The following CIMIP5 variants were observed in gnomAD, a reference collection of about 807,000 sequenced individuals.
CIMIP5 encodes ciliary microtubule inner protein 5.
the CIMIP5 span, among the ~76,000 whole-genome samples, chr2:11,140,074 G>A: frequency 0.085 from 10,093 of 119,430 alleles, 592 homozygotes; most frequent in Non-Finnish European, 0.12. Context: ...GTGACAGAGC[G>A]AGACTCCCTC....
the CIMIP5 span, among the ~76,000 whole-genome samples, chr2:11,134,953 A>G: frequency 1.3e-5 from 2 of 152,224 alleles, no homozygotes. Flanking sequence ...GAATCTTACA[A>G]TAATGGCAGA....
the CIMIP5 span, chr2:11,140,404 T>G: frequency 3.0e-6 from 2 of 667,352 alleles, no homozygotes; most frequent in Non-Finnish European, 4.8e-6. Flanking sequence ...AAAAATTATT[T>G]AGTTCTTCCA....
the CIMIP5 span, chr2:11,144,021 A>AC: frequency 5.0e-6 from 8 of 1,607,232 alleles, no homozygotes; most frequent in South Asian, 9.0e-5. Context: ...GGCTGGACAC[A>AC]CCCCTGGGAC....
At chr2:11,154,445 T>A in the CIMIP5 span, among the ~76,000 whole-genome samples, 2 of 152,090 alleles carry the variant, frequency 1.3e-5, no homozygotes, top group African/African-American at 2.4e-5. Flanking sequence ...CCAGCTCCCG[T>A]CCCTCACACT....
At chr2:11,133,249 CAGG>C in the CIMIP5 span, 5 of 1,454,278 alleles carry the variant, frequency 3.4e-6, no homozygotes, top group Admixed American at 1.0e-4. Context: ...CAGAGTGTTC[CAGG>C]AGGAGGTTTG....
At chr2:11,141,820 A>G in the CIMIP5 span, among the ~76,000 whole-genome samples, 1 of 152,096 alleles carries the variant, frequency 6.6e-6, no homozygotes, top group Non-Finnish European at 1.5e-5. Flanking sequence ...CAAAAATAAC[A>G]TTATTTTTTA....
chr2:11,148,266 C>T, the CIMIP5 span, among the ~76,000 whole-genome samples: 1 of 151,940 alleles, frequency 6.6e-6, no homozygotes, highest in East Asian at 1.9e-4. Flanking sequence ...TACAAGCATG[C>T]ACCACCACAC....
At chr2:11,134,889 C>T in the CIMIP5 span, among the ~76,000 whole-genome samples, 1 of 152,150 alleles carries the variant, frequency 6.6e-6, no homozygotes, top group Non-Finnish European at 1.5e-5. Context: ...CACAGTTCTG[C>T]AGGCTGTACG....
the CIMIP5 span, among the ~76,000 whole-genome samples, chr2:11,148,960 C>T: frequency 2.0e-5 from 3 of 151,926 alleles, no homozygotes; most frequent in Admixed American, 6.6e-5. Context: ...TCTCGAACTC[C>T]TGACCGCAGG....
chr2:11,148,879 A>C, the CIMIP5 span, among the ~76,000 whole-genome samples: 2 of 151,432 alleles, frequency 1.3e-5, no homozygotes, highest in Middle Eastern at 3.4e-3. Flanking sequence ...GATTACAGGC[A>C]CCCGCCACCA....
chr2:11,154,539 A>G, the CIMIP5 span, among the ~76,000 whole-genome samples: 1 of 152,230 alleles, frequency 6.6e-6, no homozygotes, highest in Admixed American at 6.5e-5. Flanking sequence ...CTTCATAACC[A>G]GGCCCTAATA....
the CIMIP5 span, chr2:11,133,738 C>A: frequency 7.5e-7 from 1 of 1,332,416 alleles, no homozygotes; most frequent in Non-Finnish European, 9.9e-7. Flanking sequence ...GGTCACCAGC[C>A]CAGCCCAGAG....
At chr2:11,133,415 G>C in the CIMIP5 span, 1 of 1,611,272 alleles carries the variant, frequency 6.2e-7, no homozygotes. Flanking sequence ...CACCAGCCTC[G>C]GTCTCCCCAG....
chr2:11,141,847 A>G, the CIMIP5 span, among the ~76,000 whole-genome samples: 1 of 152,078 alleles, frequency 6.6e-6, no homozygotes, highest in African/African-American at 2.4e-5. Context: ...GAAAAGATGA[A>G]TATGAATTCA....
chr2:11,146,343 C>T, the CIMIP5 span, among the ~76,000 whole-genome samples: 2,326 of 152,244 alleles, frequency 0.015, 42 homozygotes, highest in South Asian at 0.07. Flanking sequence ...GAGTCTGGCT[C>T]CAAGGACTAT....
chr2:11,135,856 G>C, the CIMIP5 span, among the ~76,000 whole-genome samples: 1 of 151,828 alleles, frequency 6.6e-6, no homozygotes, highest in Admixed American at 6.6e-5. Flanking sequence ...TTGTGGTTTT[G>C]ATTTGCATTT....
At chr2:11,154,037 C>T in the CIMIP5 span, among the ~76,000 whole-genome samples, 1 of 151,994 alleles carries the variant, frequency 6.6e-6, no homozygotes, top group East Asian at 1.9e-4. Context: ...AGTGAAGTGG[C>T]GCGATCTCGA....
the CIMIP5 span, chr2:11,144,276 A>C: frequency 4.2e-6 from 2 of 477,780 alleles, no homozygotes; most frequent in Non-Finnish European, 7.3e-6. Flanking sequence ...ACTCTTACAC[A>C]CTTTTTACAC....
chr2:11,133,723 A>T, the CIMIP5 span: 1 of 1,383,092 alleles, frequency 7.2e-7, no homozygotes, highest in Middle Eastern at 2.6e-4. Context: ...GCCCGGGGGA[A>T]GGTGGGTCAC....
Sources: gnomAD v4.1 joint callset for allele counts (sites outside exome capture counted in the v4.1 genomes callset) on GRCh38, gnomAD v4.1.1 for gene constraint, MANE v1.5 for transcripts, NCBI Gene and HGNC (gene_info 2026-07-23, HGNC 2026-07-21) for gene names.